Variants in UBA6 observed in about 807,000 individuals in gnomAD.
UBA6 encodes the protein ubiquitin like modifier activating enzyme 6, also known as ubiquitin-like modifier-activating enzyme 6.
A neutral mutation model predicts 148.3 loss-of-function variants in UBA6; 87 were observed. The observed-to-expected ratio is 0.59, with a 90% confidence interval of 0.49 to 0.70. UBA6 has a LOEUF of 0.70. Among genes scored for constraint, UBA6 ranks in the 30% least tolerant of loss-of-function variants. The pLI, the probability that UBA6 is intolerant of heterozygous loss-of-function variation, is 0.00. For missense variants in UBA6, 1,186 were observed against 1,241.2 expected, an observed-to-expected ratio of 0.96 and a Z score of 0.67; for synonymous variants, 376 against 401.0, an observed-to-expected ratio of 0.94 and a Z score of 0.75.
intron 19 of UBA6, chr4:67,638,062 A>G (rs1729209474): frequency 6.6e-6 from 1 of 152,348 alleles, no homozygotes; most frequent in Admixed American, 6.5e-5. Flanking sequence ...TGTTAAAGCA[A>G]GAAAAACAGA....
intron 1 of UBA6, among the ~76,000 whole-genome samples, chr4:67,700,616 T>C (rs1371206850): frequency 6.6e-6 from 1 of 151,510 alleles, no homozygotes; most frequent in Non-Finnish European, 1.5e-5. Flanking sequence ...TTCCTTCTGG[T>C]AATAGTTTTC....
intron 2 of UBA6, among the ~76,000 whole-genome samples, chr4:67,694,873 T>C (rs368369156): frequency 7.2e-5 from 11 of 152,232 alleles, no homozygotes; most frequent in African/African-American, 2.4e-4. Flanking sequence ...ACTAGATGTT[T>C]GCAATAAGAC....
At chr4:67,662,473 GTTTTTTTTT>G in intron 12 of UBA6, 1 of 341,324 alleles carries the variant, frequency 2.9e-6, no homozygotes. Context: ...AGTTTTTTTT[GTTTTTTTTT>G]TTTTGAGACA....
intron 13 of UBA6, among the ~76,000 whole-genome samples, chr4:67,656,250 G>T (rs781344314): frequency 6.6e-6 from 1 of 152,146 alleles, no homozygotes; most frequent in Non-Finnish European, 1.5e-5. Flanking sequence ...GGAATTTTAG[G>T]CCAATATCCC....
chr4:67,671,583 TATTGTA>T (rs1730150569), intron 7 of UBA6, among the ~76,000 whole-genome samples: 1 of 152,198 alleles, frequency 6.6e-6, no homozygotes, highest in African/African-American at 2.4e-5. Flanking sequence ...TGCTGTGCCC[TATTGTA>T]AGTTCAGTGG....
chr4:67,662,253 C>T lies in UBA6; in HGVS notation c.1040G>A (p.Cys347Tyr). The change falls in exon 13 of 33, where the codon TGC becomes TAC. Residue 347 changes from cysteine (C) to tyrosine (Y), a missense_variant and splice_region_variant. By Grantham distance (194) the Cys-to-Tyr change is radical (BLOSUM62 -2). Transcript: ENST00000322244. ...CAACAGTTCTTCTGAATCTTGTTGG[C>T]ATCTACAACTCAAAACAGAACACCC... ...EKYSRKPNVG[C>Y]QQDSEELLKL... The T allele has an allele frequency of 6.2e-7, 1 of 1,613,192 alleles. No homozygotes were observed. The highest frequency in any genetic ancestry group is 2.2e-5 in the East Asian group (1 of 44,766).
intron 27 of UBA6, 48 bp from the exon 28 acceptor site, chr4:67,626,525 CTGTT>C (rs774554948): frequency 1.7e-4 from 192 of 1,141,734 alleles, no homozygotes; most frequent in Middle Eastern, 7.9e-4. Context: ...TTTCCTGCAT[CTGTT>C]TGGTTACCAT....
In UBA6 at chr4:67,617,454, A is replaced by T. The variant is rs1728653567; in HGVS notation, c.*1543T>A. The stretch of plus-strand genomic sequence containing the variant: ...AATTTAATTTCTTTTTTCCAAAGGT[A>T]GTCATTTTCTTTAAATTCATCCTAT... On this transcript the variant is annotated 3_prime_UTR_variant, in exon 33 of 33. Transcript: ENST00000322244. The T allele has an allele frequency of 6.6e-6, 1 of 152,050 alleles. No homozygotes were observed. The highest frequency in any genetic ancestry group is 6.6e-5 in the Admixed American group (1 of 15,266). 9.4% of individuals were successfully genotyped at this position (152,050 alleles called of 1,614,324 possible). A position where few individuals can be genotyped will look rare whatever the true frequency, so the allele number is the denominator to read the frequency against.
chr4:67,661,736 C>T, intron 13 of UBA6: 1 of 167,148 alleles, frequency 6.0e-6, no homozygotes. Context: ...TCATAACACA[C>T]ACAAAAAAAC....
Position 67,630,518 on chromosome 4 carries a change from T to C in UBA6, c.2276A>G (p.Gln759Arg). The C allele has an allele frequency of 4.4e-6, 7 of 1,584,072 alleles. No homozygotes were observed. The highest frequency in any genetic ancestry group is 6.0e-6 in the Non-Finnish European group (7 of 1,165,522). ...TGTAGCATATAGTTTTGCAGCATTC[T>C]GAAGGAAACTGAGGTGCCTTTTGAA... ...LNEPLHLSFLQNAAKLYATVY... is the reference protein window; with the variant it reads ...LNEPLHLSFLRNAAKLYATVY... Residue 759 changes from glutamine (Q) to arginine (R), a missense_variant, in exon 26 of 33, where the codon CAG becomes CGG. Gln to Arg is a conservative substitution (Grantham distance 43). Coordinates refer to ENST00000322244, the MANE Select transcript of UBA6 (RefSeq NM_018227.6).
chr4:67,635,625 T>C, intron 19 of UBA6, 67 bp from the exon 20 acceptor site: 1 of 931,732 alleles, frequency 1.1e-6, no homozygotes, highest in Non-Finnish European at 1.8e-6. Flanking sequence ...AAGGACAACC[T>C]ACAACTTTCT....
intron 19 of UBA6, 24 bp from the exon 20 acceptor site, chr4:67,635,582 AAAAC>A (rs765151822): frequency 1.3e-6 from 2 of 1,489,982 alleles, no homozygotes; most frequent in South Asian, 2.3e-5. Context: ...CAGCAAGTAA[AAAAC>A]AAAAAAGTGA....
At chr4:67,623,254 T>A in intron 30 of UBA6, 32 bp from the exon 31 acceptor site, 1 of 1,558,002 alleles carries the variant, frequency 6.4e-7, no homozygotes, top group Non-Finnish European at 8.8e-7. Flanking sequence ...AACAGAAACA[T>A]TGAAATTTTC....
chr4:67,652,835 T>C (rs1729585663), intron 13 of UBA6, among the ~76,000 whole-genome samples: 1 of 152,206 alleles, frequency 6.6e-6, no homozygotes. Flanking sequence ...TACTGCACTT[T>C]CCTCACCATC....
At chr4:67,691,893 C>T (rs1022244614) in intron 2 of UBA6, among the ~76,000 whole-genome samples, 1 of 152,006 alleles carries the variant, frequency 6.6e-6, no homozygotes, top group Admixed American at 6.6e-5. Flanking sequence ...ATTGAAAATG[C>T]AGCACTGATA....
intron 18 of UBA6, among the ~76,000 whole-genome samples, chr4:67,639,493 C>T (rs1296500605): frequency 6.6e-6 from 1 of 152,106 alleles, no homozygotes; most frequent in Admixed American, 6.5e-5. Flanking sequence ...TTCAGTAAAA[C>T]ATTGGAAATC....
At chr4:67,666,941 A>T (rs529290659) in intron 9 of UBA6, among the ~76,000 whole-genome samples, 1 of 152,324 alleles carries the variant, frequency 6.6e-6, no homozygotes, top group Admixed American at 6.5e-5. Context: ...TGCTAGCAGA[A>T]TATTACTTTA....
chr4:67,635,147 G>A (rs1045383893), intron 20 of UBA6, among the ~76,000 whole-genome samples: 1 of 152,062 alleles, frequency 6.6e-6, no homozygotes, highest in South Asian at 2.1e-4. Context: ...TTTGTTGACA[G>A]TTCTAGTCTC....
At chr4:67,683,645 C>G (rs1730493368) in intron 2 of UBA6, among the ~76,000 whole-genome samples, 1 of 151,064 alleles carries the variant, frequency 6.6e-6, no homozygotes, top group African/African-American at 2.4e-5. Context: ...GACAATTATT[C>G]TTCTTCCAAT....
Sources: allele counts gnomAD v4.1 joint callset (sites outside exome capture counted in the v4.1 genomes callset), GRCh38; gene constraint gnomAD v4.1.1; transcripts MANE v1.5; gene names NCBI Gene and HGNC (gene_info 2026-07-23, HGNC 2026-07-21).